Variants in SNX29 observed in about 807,000 individuals in gnomAD.
SNX29 encodes sorting nexin-29.
SNX29 carries 78 observed loss-of-function variants against 102.1 expected under a neutral mutation model. That is an observed-to-expected ratio of 0.76 (90% CI 0.64 to 0.92). SNX29 has a LOEUF of 0.92. SNX29 is among the 40% of genes least tolerant of loss of function. SNX29 has a pLI of 0.00. For synonymous variants in SNX29, 580 were observed against 414.5 expected (o/e 1.40, Z -4.85); for missense variants, 1,280 against 1,061.7 (o/e 1.21, Z -2.86).
At position 12,112,165 on chromosome 16, in the gene SNX29, G is replaced by A. The variant is rs142721380; in HGVS notation, c.1403-14468G>A. Among the ~76,000 whole-genome samples the A allele has an allele frequency of 3.2e-3, 492 of 152,268 alleles. 5 individuals are homozygous for A. The highest frequency in any genetic ancestry group is 0.011 in the African/African-American group (461 of 41,544). Reference sequence around the variant, plus strand: ...CCCAACTGTACCTTCACCTCCCTTCGTAGAAGACAGGGTCGGGGTGGAGGA... The same window carrying A: ...CCCAACTGTACCTTCACCTCCCTTCATAGAAGACAGGGTCGGGGTGGAGGA... On this transcript the variant is annotated intron_variant, in intron 11 of 20. Transcript: ENST00000566228.
intron 19 of SNX29, among the ~76,000 whole-genome samples, chr16:12,519,200 A>T (rs1046017375): frequency 1.3e-5 from 2 of 152,222 alleles, no homozygotes; most frequent in African/African-American, 4.8e-5. Flanking sequence ...CTCAGGCCAT[A>T]CAAAACATAC....
chr16:12,566,551 G>A (rs1158137072), intron 20 of SNX29, among the ~76,000 whole-genome samples: 3 of 152,218 alleles, frequency 2.0e-5, no homozygotes, highest in Non-Finnish European at 4.4e-5. Flanking sequence ...AGGGGGTTGT[G>A]AGGGCATGGC....
At chr16:12,473,686 C>T (rs2087462208) in intron 18 of SNX29, among the ~76,000 whole-genome samples, 1 of 152,184 alleles carries the variant, frequency 6.6e-6, no homozygotes, top group Non-Finnish European at 1.5e-5. Flanking sequence ...TCATAAAGAC[C>T]TTGCTGATTA....
intron 14 of SNX29, among the ~76,000 whole-genome samples, chr16:12,259,806 C>G (rs1193471246): frequency 6.6e-6 from 1 of 152,126 alleles, no homozygotes; most frequent in Admixed American, 6.5e-5. Flanking sequence ...CCCTTCCCTC[C>G]CAGCCCTCCC....
In SNX29 at chr16:12,562,723, G is replaced by A. The variant is rs150534226; in HGVS notation, c.2319-5783G>A. On this transcript the variant is annotated intron_variant, in intron 20 of 20. Coordinates refer to ENST00000566228, the MANE Select transcript of SNX29 (RefSeq NM_032167.5). ...CGAGATTGAAGCCTACCGTGGTACT[G>A]TTTCTCGCTTTTATGGCATAGTTCC... is the stretch of plus-strand genomic sequence containing the variant. Among the ~76,000 whole-genome samples the A allele has an allele frequency of 6.3e-4, 96 of 152,274 alleles. 1 individual carries two copies. Among genetic ancestry groups the A allele is most frequent in the African/African-American group, 2.2e-3 (91 of 41,564 alleles).
chr16:12,479,455 C>G (rs1051642861), intron 19 of SNX29, among the ~76,000 whole-genome samples: 2 of 152,124 alleles, frequency 1.3e-5, no homozygotes, highest in Admixed American at 1.3e-4. Flanking sequence ...AACCTGATCA[C>G]GCCAAGGTCT....
intron 11 of SNX29, among the ~76,000 whole-genome samples, chr16:12,097,032 C>A (rs1346976916): frequency 6.6e-6 from 1 of 152,188 alleles, no homozygotes; most frequent in Non-Finnish European, 1.5e-5. Context: ...GCAAAGGGGG[C>A]TGACAGTGAT....
At chr16:12,364,535 G>A (rs2082405450) in intron 16 of SNX29, among the ~76,000 whole-genome samples, 1 of 151,816 alleles carries the variant, frequency 6.6e-6, no homozygotes, top group Non-Finnish European at 1.5e-5. Context: ...ATTACACTCT[G>A]GGAGAAGAGC....
intron 13 of SNX29, among the ~76,000 whole-genome samples, chr16:12,185,712 A>G (rs895301381): frequency 6.6e-6 from 1 of 152,236 alleles, no homozygotes; most frequent in South Asian, 2.1e-4. Context: ...TGACTTGTGC[A>G]AGAGCCAGAT....
chr16:12,572,462 C>A lies in SNX29; in HGVS notation c.*3833C>A, dbSNP rs908399815. ...TCTTGGTTCTGCATGGTACATTTTG[C>A]CAACCCTGAGGACCAGTTCTTGGGG... On this transcript the variant is annotated 3_prime_UTR_variant, in exon 21 of 21. Coordinates refer to ENST00000566228, the MANE Select transcript of SNX29 (RefSeq NM_032167.5). 4.7e-6 allele frequency: 5 copies of A among 1,063,162 alleles called. No individual in the cohort carries two copies. The African/African-American group carries it at 8.2e-5, about 17-fold the overall frequency. 65.9% of individuals were successfully genotyped at this position (1,063,162 alleles called of 1,614,324 possible).
intron 10 of SNX29, 127 bp from the exon 11 acceptor site, chr16:12,078,706 C>G: frequency 1.3e-6 from 1 of 781,746 alleles, no homozygotes; most frequent in Non-Finnish European, 2.2e-6. Context: ...TGACTAATTT[C>G]CAATGACTGC....
intron 15 of SNX29, among the ~76,000 whole-genome samples, chr16:12,339,043 G>A (rs1002171149): frequency 6.6e-6 from 1 of 152,106 alleles, no homozygotes; most frequent in Non-Finnish European, 1.5e-5. Context: ...TGAATTCAGT[G>A]GAAAGAGACC....
At chr16:12,529,153 T>G (rs1381913491) in intron 20 of SNX29, among the ~76,000 whole-genome samples, 1 of 152,178 alleles carries the variant, frequency 6.6e-6, no homozygotes, top group Non-Finnish European at 1.5e-5. Context: ...TAATGCCAGC[T>G]CTGAATTGGA....
intron 13 of SNX29, among the ~76,000 whole-genome samples, chr16:12,153,647 T>A (rs1365253255): frequency 6.6e-6 from 1 of 151,314 alleles, no homozygotes; most frequent in Non-Finnish European, 1.5e-5. Flanking sequence ...CTAATTTTTT[T>A]TTTTTTTTTT....
intron 15 of SNX29, among the ~76,000 whole-genome samples, chr16:12,354,881 C>T (rs1321324226): frequency 6.6e-6 from 1 of 152,154 alleles, no homozygotes; most frequent in Non-Finnish European, 1.5e-5. Context: ...ACTTATTCTG[C>T]CTTTGTTAAT....
At chr16:12,205,551 C>G (rs1474262869) in intron 14 of SNX29, among the ~76,000 whole-genome samples, 2 of 152,058 alleles carry the variant, frequency 1.3e-5, no homozygotes, top group Admixed American at 1.3e-4. Flanking sequence ...ACATGCCAGG[C>G]TGGCTCCTGC....
chr16:12,017,316 T>G (rs2056880946), intron 3 of SNX29, among the ~76,000 whole-genome samples: 1 of 152,206 alleles, frequency 6.6e-6, no homozygotes, highest in Non-Finnish European at 1.5e-5. Flanking sequence ...TGAGATTGAG[T>G]ATCTTTTCTT....
intron 14 of SNX29, among the ~76,000 whole-genome samples, chr16:12,237,130 C>T (rs755494805): frequency 2.0e-5 from 3 of 152,266 alleles, no homozygotes; most frequent in African/African-American, 4.8e-5. Context: ...AGGCAGATGC[C>T]GTGCCCCAGT....
intron 11 of SNX29, among the ~76,000 whole-genome samples, chr16:12,083,582 C>T (rs1207506718): frequency 1.3e-5 from 2 of 152,180 alleles, no homozygotes; most frequent in Non-Finnish European, 2.9e-5. Flanking sequence ...TCCATATAAA[C>T]TCCGATTGGG....
Sources: gnomAD v4.1 joint callset for allele counts (sites outside exome capture counted in the v4.1 genomes callset) on GRCh38, gnomAD v4.1.1 for gene constraint, MANE v1.5 for transcripts, NCBI Gene and HGNC (gene_info 2026-07-23, HGNC 2026-07-21) for gene names.